INPP4B: variants seen among roughly 807,000 people sequenced by gnomAD.
The protein encoded by INPP4B is inositol polyphosphate 4-phosphatase type II.
INPP4B carries 55 observed loss-of-function variants against 122.5 expected under a neutral mutation model. That is an observed-to-expected ratio of 0.45 (90% CI 0.36 to 0.56). INPP4B has a LOEUF of 0.56. Ranked by LOEUF, INPP4B falls within the 20% of genes least tolerant of loss-of-function variation. INPP4B has a pLI of 0.00. For missense variants in INPP4B, 1,000 were observed against 1,097.7 expected (o/e 0.91, Z 1.26); for synonymous variants, 403 against 388.7 (o/e 1.04, Z -0.43).
At chr4:142,638,648 A>G (rs767259670) in intron 2 of INPP4B, among the ~76,000 whole-genome samples, 15 of 149,412 alleles carry the variant, frequency 1.0e-4, no homozygotes, top group Non-Finnish European at 2.1e-4. Context: ...GGTTCACGCC[A>G]TTCTCCCACC....
In INPP4B at chr4:142,149,766, T is replaced by A. The variant is rs1812806015; in HGVS notation, c.1564-3770A>T. Among the ~76,000 whole-genome samples, 4 of 152,184 alleles carry A rather than the reference T, an allele frequency of 2.6e-5. No individual in the cohort carries two copies. In the South Asian group the frequency reaches 8.3e-4, roughly 31 times the overall value. On this transcript the variant is annotated intron_variant, in intron 17 of 25. Coordinates refer to ENST00000262992, the MANE Select transcript of INPP4B (RefSeq NM_001101669.3). ...ATCAAAGGTGTCTTATAAGCAGGGA[T>A]AGAGCAGTCACTTGGTTAAAGGGTC...
intron 9 of INPP4B, among the ~76,000 whole-genome samples, chr4:142,279,766 C>T (rs893002968): frequency 2.0e-5 from 3 of 151,840 alleles, no homozygotes; most frequent in Admixed American, 1.3e-4. Flanking sequence ...GTCAAAACTG[C>T]AAATTTGCTC....
At chr4:142,628,112 G>A (rs1276258537) in intron 2 of INPP4B, among the ~76,000 whole-genome samples, 11 of 151,438 alleles carry the variant, frequency 7.3e-5, no homozygotes, top group South Asian at 2.1e-4. Context: ...ACATGCACAC[G>A]TATGTTTATT....
chr4:142,561,878 T>G (rs1730549002), intron 2 of INPP4B, among the ~76,000 whole-genome samples: 1 of 152,214 alleles, frequency 6.6e-6, no homozygotes, highest in South Asian at 2.1e-4. Context: ...GTAAAAAAGG[T>G]TCTGTCTAAA....
rs780061837 is a variant in INPP4B, at chr4:142,314,747, G to C, written c.388C>G (p.Leu130Val). The C allele has an allele frequency of 2.5e-6, 4 of 1,597,802 alleles. No individual in the cohort carries two copies. The highest frequency in any genetic ancestry group is 1.2e-5 in the South Asian group (1 of 86,708). Residue 130 changes from leucine (L) to valine (V), a missense_variant, in exon 8 of 26, where the codon CTA becomes GTA. Physicochemically the swap from Leu to Val is conservative, Grantham distance 32. Coordinates refer to ENST00000262992, the MANE Select transcript of INPP4B (RefSeq NM_001101669.3). ...KSHDTVRTSVLPEHKDPPPEV... is the reference protein window; with the variant it reads ...KSHDTVRTSVVPEHKDPPPEV... ...GGCGGGGGATCCTTATGTTCTGGTA[G>C]GACACTGGTTCGAACCTGTGGAGAA...
intron 3 of INPP4B, among the ~76,000 whole-genome samples, chr4:142,451,194 A>G (rs1289791966): frequency 6.6e-6 from 1 of 151,800 alleles, no homozygotes; most frequent in Non-Finnish European, 1.5e-5. Flanking sequence ...ATCAAGAATA[A>G]AGATTCAAAA....
At chr4:142,428,908 G>A (rs1052492757) in intron 5 of INPP4B, among the ~76,000 whole-genome samples, 1 of 151,990 alleles carries the variant, frequency 6.6e-6, no homozygotes, top group Non-Finnish European at 1.5e-5. Context: ...CACTACGTTA[G>A]ACTGAGTGCT....
At chr4:142,384,837 C>A (rs1268320138) in intron 7 of INPP4B, among the ~76,000 whole-genome samples, 1 of 152,092 alleles carries the variant, frequency 6.6e-6, no homozygotes, top group Non-Finnish European at 1.5e-5. Context: ...CTCCTCCCAC[C>A]CTCAACCATG....
At chr4:142,333,070 G>C (rs1775304518) in intron 7 of INPP4B, among the ~76,000 whole-genome samples, 1 of 148,646 alleles carries the variant, frequency 6.7e-6, no homozygotes, top group Non-Finnish European at 1.5e-5. Flanking sequence ...CAATTGCAAT[G>C]AAAATATATA....
At chr4:142,071,555 C>A (rs945747417) in intron 25 of INPP4B, among the ~76,000 whole-genome samples, 3 of 152,150 alleles carry the variant, frequency 2.0e-5, no homozygotes, top group African/African-American at 7.2e-5. Flanking sequence ...AGGCAACCTA[C>A]AGAATGGGAG....
intron 3 of INPP4B, among the ~76,000 whole-genome samples, chr4:142,452,984 G>C (rs1285994488): frequency 6.6e-6 from 1 of 152,084 alleles, no homozygotes; most frequent in Non-Finnish European, 1.5e-5. Flanking sequence ...GCCTTTCTCT[G>C]ACATCTTCTG....
chr4:142,113,266 T>A (rs561171894), intron 21 of INPP4B, among the ~76,000 whole-genome samples: 4 of 152,188 alleles, frequency 2.6e-5, no homozygotes, highest in African/African-American at 9.6e-5. Context: ...ACTACCCCTA[T>A]TTTTTAATGT....
chr4:142,795,508 A>T (rs548270453), intron 1 of INPP4B: 4 of 152,118 alleles, frequency 2.6e-5, no homozygotes, highest in South Asian at 2.1e-4. Context: ...GCAAAGAGAT[A>T]GTGCTGTTGT....
chr4:142,134,567 G>A (rs551799363), intron 18 of INPP4B, among the ~76,000 whole-genome samples: 28 of 151,982 alleles, frequency 1.8e-4, no homozygotes, highest in Admixed American at 1.3e-4. Context: ...AGGCCAAGGC[G>A]GGCAGATCAC....
intron 23 of INPP4B, among the ~76,000 whole-genome samples, chr4:142,098,365 A>AAC (rs1561110205): frequency 9.9e-5 from 15 of 151,120 alleles, no homozygotes; most frequent in East Asian, 9.9e-4. Flanking sequence ...ACAACAACAA[A>AAC]AAAAAAACTA....
At chr4:142,669,952 C>T (rs1756747513) in intron 2 of INPP4B, among the ~76,000 whole-genome samples, 3 of 152,148 alleles carry the variant, frequency 2.0e-5, no homozygotes, top group Admixed American at 1.3e-4. Flanking sequence ...TTTGAAGATA[C>T]AGGAGCCCCA....
chr4:142,244,066 C>T (rs575289772), intron 11 of INPP4B, among the ~76,000 whole-genome samples: 28 of 151,920 alleles, frequency 1.8e-4, no homozygotes, highest in African/African-American at 6.0e-4. Context: ...CCCCTAGCCC[C>T]CCACCCCCTG....
At chr4:142,329,049 C>T (rs1225869459) in intron 7 of INPP4B, among the ~76,000 whole-genome samples, 6 of 152,238 alleles carry the variant, frequency 3.9e-5, no homozygotes, top group Admixed American at 3.9e-4. Flanking sequence ...ATGCGCTGAT[C>T]TGTCCTTTTA....
intron 9 of INPP4B, among the ~76,000 whole-genome samples, chr4:142,284,458 G>C (rs1173837359): frequency 6.6e-6 from 1 of 152,066 alleles, no homozygotes; most frequent in Non-Finnish European, 1.5e-5. Flanking sequence ...AGAAGGTGCA[G>C]GTAGACTAGT....
Sources: allele counts gnomAD v4.1 joint callset (sites outside exome capture counted in the v4.1 genomes callset), GRCh38; gene constraint gnomAD v4.1.1; transcripts MANE v1.5; gene names NCBI Gene and HGNC (gene_info 2026-07-23, HGNC 2026-07-21).